The following PREP variants were observed in gnomAD, a reference collection of about 807,000 sequenced individuals.
PREP encodes the protein dJ355L5.1 (prolyl endopeptidase).
PREP carries 29 observed loss-of-function variants against 87.6 expected under a neutral mutation model. The ratio of observed to expected loss-of-function variants is 0.33; its 90% confidence interval spans 0.25 to 0.45. The LOEUF (loss-of-function observed/expected upper bound fraction) is 0.45, where lower values mean the gene tolerates loss of function less well. Among genes scored for constraint, PREP ranks in the 20% least tolerant of loss-of-function variants. The pLI is 1.00. For synonymous variants in PREP, 337 were observed against 328.6 expected (o/e 1.03, Z -0.28); for missense variants, 695 against 886.5 (o/e 0.78, Z 2.74).
At chr6:105,288,410 G>C (rs1770231723) in intron 11 of PREP, among the ~76,000 whole-genome samples, 1 of 152,216 alleles carries the variant, frequency 6.6e-6, no homozygotes, top group South Asian at 2.1e-4. Context: ...GAGCGCAGTG[G>C]CGTGATCTTG....
At chr6:105,319,249 C>A (rs1478453721) in intron 10 of PREP, among the ~76,000 whole-genome samples, 1 of 152,172 alleles carries the variant, frequency 6.6e-6, no homozygotes, top group African/African-American at 2.4e-5. Context: ...ATGTTAACTA[C>A]TTATAAAATC....
In PREP at chr6:105,322,184, G is replaced by T. The variant is rs1178420935; in HGVS notation, c.1317+1481C>A. Reference sequence around the variant, plus strand: ...ATGAACCATGAAAATACCAGACAGGGGCTACAGGCCCCTACAGGATCTCCC... The same window carrying T: ...ATGAACCATGAAAATACCAGACAGGTGCTACAGGCCCCTACAGGATCTCCC... On this transcript the variant is annotated intron_variant, in intron 10 of 14. Transcript: ENST00000652536. The T allele has an allele frequency of 5.3e-6, 3 of 564,402 alleles. No homozygotes were observed. The African/African-American group carries it at 6.4e-5, about 12-fold the overall frequency. 35.0% of individuals were successfully genotyped at this position (564,402 alleles called of 1,614,324 possible).
rs77570459 is a variant in PREP at position 105,357,553 on chromosome 6, A to C, written c.718-4476T>G. On this transcript the variant is annotated intron_variant, in intron 6 of 14. Transcript: ENST00000652536. ...GCTCCATAGCCACTAAAATTTGCTA[A>C]ACTGAAAACAACGTTGCATTTTCAA... Among the ~76,000 whole-genome samples, 306 of 152,336 alleles carry C rather than the reference A, an allele frequency of 2.0e-3. 2 individuals carry two copies. The highest frequency in any genetic ancestry group is 7.2e-3 in the African/African-American group (299 of 41,582).
intron 7 of PREP, among the ~76,000 whole-genome samples, chr6:105,335,359 T>G (rs1182062006): frequency 6.6e-6 from 1 of 152,246 alleles, no homozygotes; most frequent in Non-Finnish European, 1.5e-5. Context: ...TTTCCATTCC[T>G]TGAATCTCTC....
Position 105,277,019 on chromosome 6 carries a change from A to G in PREP, c.*1125T>C, listed in dbSNP as rs944724194. Among the ~76,000 whole-genome samples, 1 of 152,166 alleles carries G rather than the reference A, an allele frequency of 6.6e-6. No individual in the cohort carries two copies. Among genetic ancestry groups the G allele is most frequent in the Non-Finnish European group, 1.5e-5 (1 of 68,034 alleles). On this transcript the variant is annotated 3_prime_UTR_variant, in exon 15 of 15. Coordinates refer to ENST00000652536, the MANE Select transcript of PREP (RefSeq NM_002726.5). The stretch of plus-strand genomic sequence containing the variant: ...AGACAAAGGAAAAAAAACTGTTTTA[A>G]GTTAGATCAGCATTTCCCAAACTGA...
intron 7 of PREP, among the ~76,000 whole-genome samples, chr6:105,349,609 G>A (rs992927219): frequency 3.3e-5 from 5 of 151,998 alleles, no homozygotes; most frequent in Non-Finnish European, 7.4e-5. Context: ...CAACTGAGTG[G>A]TATCCTAAAT....
rs1362257668 is a variant in PREP, at chr6:105,368,895, T to C, written c.717+8A>G. 1.2e-6 allele frequency: 2 copies of C among 1,613,656 alleles called. No individual in the cohort carries two copies. The highest frequency in any genetic ancestry group is 1.7e-6 in the Non-Finnish European group (2 of 1,179,748). ...CTTTGGGGGTAAAATTTCACAGCTG[T>C]ACAATACCTCAGCTCCACCCATCCA... On this transcript the variant is annotated splice_region_variant and intron_variant, in intron 6 of 14. Coordinates refer to ENST00000652536, the MANE Select transcript of PREP (RefSeq NM_002726.5).
chr6:105,337,058 C>T (rs67092423), intron 7 of PREP, among the ~76,000 whole-genome samples: 14,321 of 152,036 alleles, frequency 0.094, 1,051 homozygotes, highest in African/African-American at 0.2. Flanking sequence ...CTCATCCTTC[C>T]AAGCTTCTTG....
In PREP at chr6:105,323,784, AG is replaced by A. The variant is rs749079852; in HGVS notation, c.1214-17del. On this transcript the variant is annotated splice_polypyrimidine_tract_variant and intron_variant, in intron 9 of 14. Coordinates refer to ENST00000652536, the MANE Select transcript of PREP (RefSeq NM_002726.5). Reference sequence around the variant, plus strand: ...TAAATGATACCTAAAAAGTAGAATAAGGCTTGGTTTAGTCTACGGGACTCAC... The same window carrying A: ...TAAATGATACCTAAAAAGTAGAATAAGCTTGGTTTAGTCTACGGGACTCAC... 90 of 1,596,572 alleles carry A rather than the reference AG, an allele frequency of 5.6e-5. No homozygotes were observed. The highest frequency in any genetic ancestry group is 6.9e-5 in the Non-Finnish European group (80 of 1,164,458).
At chr6:105,308,458 C>G (rs1460003613) in intron 10 of PREP, among the ~76,000 whole-genome samples, 1 of 152,110 alleles carries the variant, frequency 6.6e-6, no homozygotes, top group Non-Finnish European at 1.5e-5. Context: ...TACTTTGATG[C>G]TCTATAAGGG....
At chr6:105,297,861 C>T (rs1013611788) in intron 10 of PREP, among the ~76,000 whole-genome samples, 1 of 152,152 alleles carries the variant, frequency 6.6e-6, no homozygotes, top group African/African-American at 2.4e-5. Flanking sequence ...CAAGCACCAC[C>T]AAAGAATCCA....
At chr6:105,363,493 C>A (rs1772304783) in intron 6 of PREP, among the ~76,000 whole-genome samples, 1 of 152,162 alleles carries the variant, frequency 6.6e-6, no homozygotes, top group African/African-American at 2.4e-5. Flanking sequence ...TAACTGGCAC[C>A]TCTGCCCATC....
chr6:105,372,998 G>T (rs1772597139), intron 5 of PREP, among the ~76,000 whole-genome samples: 1 of 152,156 alleles, frequency 6.6e-6, no homozygotes, highest in African/African-American at 2.4e-5. Flanking sequence ...CAATTCTACT[G>T]AGTTGCCATG....
At chr6:105,385,988 C>T (rs997106265) in intron 2 of PREP, among the ~76,000 whole-genome samples, 4 of 152,048 alleles carry the variant, frequency 2.6e-5, no homozygotes, top group African/African-American at 4.8e-5. Flanking sequence ...GGCGTGGTGG[C>T]GCATGCCTGT....
intron 7 of PREP, among the ~76,000 whole-genome samples, chr6:105,352,440 C>T (rs1771982982): frequency 6.6e-6 from 1 of 152,178 alleles, no homozygotes; most frequent in African/African-American, 2.4e-5. Context: ...TACTGAGGGC[C>T]ACTCTACTGA....
chr6:105,305,377 G>A (rs1031637561), intron 10 of PREP, among the ~76,000 whole-genome samples: 4 of 152,104 alleles, frequency 2.6e-5, no homozygotes, highest in African/African-American at 7.2e-5. Context: ...GTGTGGCCCC[G>A]AATTAAGGAC....
At chr6:105,342,469 G>T (rs1478867528) in intron 7 of PREP, among the ~76,000 whole-genome samples, 2 of 152,112 alleles carry the variant, frequency 1.3e-5, no homozygotes, top group South Asian at 2.1e-4. Flanking sequence ...TTGAAAACTG[G>T]CACAAGACAG....
At chr6:105,297,802 G>C (rs1052292753) in intron 10 of PREP, among the ~76,000 whole-genome samples, 6 of 152,168 alleles carry the variant, frequency 3.9e-5, no homozygotes, top group African/African-American at 1.4e-4. Flanking sequence ...AATAGATCCA[G>C]TTCAACAAGG....
At chr6:105,358,171 C>T (rs1402399621) in intron 6 of PREP, among the ~76,000 whole-genome samples, 2 of 151,764 alleles carry the variant, frequency 1.3e-5, no homozygotes, top group African/African-American at 4.8e-5. Context: ...TAAAAATCTA[C>T]CATTTATGTA....
Sources: gnomAD v4.1 joint callset for allele counts (sites outside exome capture counted in the v4.1 genomes callset) on GRCh38, gnomAD v4.1.1 for gene constraint, MANE v1.5 for transcripts, NCBI Gene and HGNC (gene_info 2026-07-23, HGNC 2026-07-21) for gene names.